EML6: variants seen among roughly 807,000 people sequenced by gnomAD.
EML6 encodes the protein EMAP like 6.
In EML6, 154 loss-of-function variants were observed where a neutral mutation model predicts 240.1. That is an observed-to-expected ratio of 0.64 (90% CI 0.56 to 0.73). The LOEUF is 0.73. EML6 is among the 30% of genes least tolerant of loss of function. EML6 has a pLI of 0.00. For missense variants in EML6, 2,964 were observed against 2,474.6 expected (o/e 1.20, Z -4.20); for synonymous variants, 1,148 against 899.0 (o/e 1.28, Z -4.95).
At chr2:54,812,089 T>C (rs17046368) in intron 2 of EML6, among the ~76,000 whole-genome samples, 4,344 of 152,312 alleles carry the variant, frequency 0.029, 194 homozygotes, top group African/African-American at 0.098. Context: ...TAATGCTGAT[T>C]ACACAAAAGA....
At chr2:54,948,370 C>CCT (rs1675796531) in intron 28 of EML6, among the ~76,000 whole-genome samples, 1 of 152,152 alleles carries the variant, frequency 6.6e-6, no homozygotes, top group Admixed American at 6.5e-5. Flanking sequence ...GTGAGGCCGA[C>CCT]CTAGGCACTT....
intron 19 of EML6, among the ~76,000 whole-genome samples, chr2:54,893,212 T>G (rs539892075): frequency 1.4e-4 from 22 of 152,300 alleles, no homozygotes; most frequent in African/African-American, 5.1e-4. Flanking sequence ...GCAGTGTCCC[T>G]CTACAAAGAT....
At chr2:54,792,029 A>G (rs1572902799) in intron 2 of EML6, among the ~76,000 whole-genome samples, 1 of 152,252 alleles carries the variant, frequency 6.6e-6, no homozygotes, top group East Asian at 1.9e-4. Context: ...ATAAGCAGAC[A>G]TCAGAATGCG....
At chr2:54,773,734 C>T (rs891621155) in intron 2 of EML6, among the ~76,000 whole-genome samples, 59 of 152,342 alleles carry the variant, frequency 3.9e-4, no homozygotes, top group African/African-American at 1.4e-3. Flanking sequence ...TTGCAGCTAA[C>T]TTTAAGTTTG....
At chr2:54,835,051 T>G (rs973748408) in intron 7 of EML6, among the ~76,000 whole-genome samples, 1 of 151,962 alleles carries the variant, frequency 6.6e-6, no homozygotes, top group African/African-American at 2.4e-5. Context: ...CCTCGCTGCT[T>G]CTCCCTCTGC....
Position 54,879,672 on chromosome 2 carries a change from G to C in EML6, c.2438+32G>C, listed in dbSNP as rs139386128. Reference sequence around the variant, plus strand: ...AGCTGCCGGGATCTTACGGTATCCTGCTGATACCACGGTTCAGTAAAGGTC... The same window carrying C: ...AGCTGCCGGGATCTTACGGTATCCTCCTGATACCACGGTTCAGTAAAGGTC... On this transcript the variant is annotated intron_variant, in intron 17 of 41. Transcript: ENST00000356458. The C allele has an allele frequency of 5.2e-5, 64 of 1,238,460 alleles. No individual in the cohort carries two copies. The Middle Eastern group carries it at 5.5e-4, about 11-fold the overall frequency. The allele number at this position is 1,238,460 out of a possible 1,614,324, so 76.7% of individuals were successfully genotyped here.
intron 5 of EML6, among the ~76,000 whole-genome samples, chr2:54,822,200 G>A (rs2631842): frequency 0.29 from 43,747 of 151,988 alleles, 6,790 homozygotes; most frequent in Admixed American, 0.42. Flanking sequence ...TAAAATAACA[G>A]CATTTTAAAT....
At chr2:54,822,302 T>TAATG (rs1668369826) in intron 5 of EML6, among the ~76,000 whole-genome samples, 1 of 152,200 alleles carries the variant, frequency 6.6e-6, no homozygotes, top group Non-Finnish European at 1.5e-5. Flanking sequence ...GGTAAGCTGA[T>TAATG]AATGGTCTTT....
At chr2:54,925,204 C>T (rs1674478552) in intron 26 of EML6, among the ~76,000 whole-genome samples, 1 of 152,178 alleles carries the variant, frequency 6.6e-6, no homozygotes, top group Non-Finnish European at 1.5e-5. Context: ...ACACCGCCCG[C>T]TCTTCCTGTG....
intron 2 of EML6, among the ~76,000 whole-genome samples, chr2:54,793,549 A>T (rs1323739164): frequency 6.6e-6 from 1 of 152,136 alleles, no homozygotes; most frequent in Non-Finnish European, 1.5e-5. Context: ...GAACTTCCTC[A>T]CACGCCCGCA....
chr2:54,912,317 T>G (rs1034560699), intron 25 of EML6, among the ~76,000 whole-genome samples: 1 of 152,230 alleles, frequency 6.6e-6, no homozygotes, highest in African/African-American at 2.4e-5. Context: ...TGGAGAAACT[T>G]ATGGCCTTGA....
At chr2:54,949,000 T>A (rs1446768698) in intron 29 of EML6, 40 bp downstream of exon 29, 1 of 1,414,234 alleles carries the variant, frequency 7.1e-7, no homozygotes, top group South Asian at 1.2e-5. Context: ...ATTGACGTTC[T>A]AAGACATACC....
At chr2:54,804,588 C>T (rs962254560) in intron 2 of EML6, among the ~76,000 whole-genome samples, 4 of 152,226 alleles carry the variant, frequency 2.6e-5, no homozygotes, top group African/African-American at 9.6e-5. Flanking sequence ...GACTTCTAAA[C>T]CAACAGATGC....
rs1668669624 is a variant in EML6 at position 54,827,815 on chromosome 2, C to T, written c.711+64C>T. ...AAATAAGGTAAGACCACGAATCCCTCCCTGTATGTTTCCCTTCTTGCTTTA... is the reference window on the plus strand; with the variant it reads ...AAATAAGGTAAGACCACGAATCCCTTCCTGTATGTTTCCCTTCTTGCTTTA... On this transcript the variant is annotated intron_variant, in intron 6 of 41. Coordinates refer to ENST00000356458, the MANE Select transcript of EML6 (RefSeq NM_001039753.4). 5 of 1,142,126 alleles carry T rather than the reference C, an allele frequency of 4.4e-6. No individual in the cohort carries two copies. In the South Asian group the frequency reaches 5.6e-5, roughly 13 times the overall value. The allele number at this position is 1,142,126 out of a possible 1,614,324, so 70.7% of individuals were successfully genotyped here. A position where few individuals can be genotyped will look rare whatever the true frequency, so the allele number is the denominator to read the frequency against.
intron 2 of EML6, among the ~76,000 whole-genome samples, chr2:54,787,011 G>C (rs938725457): frequency 6.6e-6 from 1 of 152,208 alleles, no homozygotes; most frequent in Non-Finnish European, 1.5e-5. Flanking sequence ...GGGGCAGGGA[G>C]AGGTTAGAAC....
chr2:54,746,699 A>G (rs1683927537), intron 2 of EML6, among the ~76,000 whole-genome samples: 1 of 152,152 alleles, frequency 6.6e-6, no homozygotes, highest in South Asian at 2.1e-4. Flanking sequence ...CTAGAAAACG[A>G]TTGATCTGTT....
intron 15 of EML6, 151 bp from the exon 16 acceptor site, chr2:54,871,349 A>T (rs1481204436): frequency 1.6e-6 from 1 of 637,616 alleles, no homozygotes; most frequent in African/African-American, 1.8e-5. Flanking sequence ...CTCATCTCAA[A>T]AATAACTGAA....
chr2:54,914,491 T>C (rs1024134964), intron 25 of EML6, among the ~76,000 whole-genome samples: 1 of 152,220 alleles, frequency 6.6e-6, no homozygotes, highest in African/African-American at 2.4e-5. Flanking sequence ...AATTATTATA[T>C]AAAAGATAAT....
intron 10 of EML6, among the ~76,000 whole-genome samples, chr2:54,851,278 TG>T (rs898428803): frequency 6.6e-6 from 1 of 151,450 alleles, no homozygotes; most frequent in Non-Finnish European, 1.5e-5. Flanking sequence ...CCAGGCGCGG[TG>T]GCGGGCACCT....
Sources: gnomAD v4.1 joint callset for allele counts (sites outside exome capture counted in the v4.1 genomes callset) on GRCh38, gnomAD v4.1.1 for gene constraint, MANE v1.5 for transcripts, NCBI Gene and HGNC (gene_info 2026-07-23, HGNC 2026-07-21) for gene names.